The following TLK2 variants were observed in gnomAD, a reference collection of about 807,000 sequenced individuals.
The protein encoded by TLK2 is tousled like kinase 2, also known as serine/threonine-protein kinase tousled-like 2.
TLK2 carries 6 observed loss-of-function variants against 117.3 expected under a neutral mutation model. That is an observed-to-expected ratio of 0.05 (90% CI 0.03 to 0.10). The LOEUF (loss-of-function observed/expected upper bound fraction) is 0.10. Ranked by LOEUF, TLK2 falls within the 10% of genes least tolerant of loss-of-function variation. The pLI is 1.00. For missense variants in TLK2, 299 were observed against 901.2 expected, an observed-to-expected ratio of 0.33 and a Z score of 8.56; for synonymous variants, 257 against 316.7, an observed-to-expected ratio of 0.81 and a Z score of 2.00.
chr17:62,508,068 C>T (rs936990747), intron 2 of TLK2, among the ~76,000 whole-genome samples: 3 of 150,908 alleles, frequency 2.0e-5, no homozygotes, highest in African/African-American at 7.3e-5. Flanking sequence ...ATGGAGAGAT[C>T]TTATCAAAAT....
At chr17:62,494,342 G>T (rs1427171227) in intron 2 of TLK2, among the ~76,000 whole-genome samples, 3 of 151,418 alleles carry the variant, frequency 2.0e-5, no homozygotes, top group Non-Finnish European at 4.4e-5. Context: ...CTTGGCCTCC[G>T]AAAGTGCTGG....
chr17:62,571,601 A>G (rs1308722704), intron 11 of TLK2, among the ~76,000 whole-genome samples: 3 of 152,224 alleles, frequency 2.0e-5, no homozygotes, highest in Non-Finnish European at 4.4e-5. Flanking sequence ...ATTGATGTCT[A>G]ATCAGTGACC....
intron 6 of TLK2, among the ~76,000 whole-genome samples, chr17:62,530,199 G>A (rs1598404680): frequency 6.6e-6 from 1 of 151,198 alleles, no homozygotes; most frequent in East Asian, 2.0e-4. Flanking sequence ...TCTTGAACCC[G>A]GGAGGCAGAG....
At position 62,614,830 on chromosome 17, in the gene TLK2, G is replaced by A. The variant is rs991411666; in HGVS notation, c.*2265G>A. 18 of 152,344 alleles carry A rather than the reference G, an allele frequency of 1.2e-4. No homozygotes were observed. The highest frequency in any genetic ancestry group is 4.3e-4 in the African/African-American group (18 of 41,570). 9.4% of individuals were successfully genotyped at this position (152,344 alleles called of 1,614,324 possible). A position where few individuals can be genotyped will look rare whatever the true frequency, so the allele number is the denominator to read the frequency against. ...AAGGGTCTCACAGGTCGAGCACAGT[G>A]CTGAGAGGATGGTGTCTGCATAATG... On this transcript the variant is annotated 3_prime_UTR_variant, in exon 22 of 22. Transcript: ENST00000346027.
At chr17:62,516,790 G>GC in intron 2 of TLK2, 1 of 1,420,524 alleles carries the variant, frequency 7.0e-7, no homozygotes. Flanking sequence ...AGGGTCCGGG[G>GC]CCGGGGCTGG....
intron 2 of TLK2, among the ~76,000 whole-genome samples, chr17:62,492,296 G>A (rs1328673894): frequency 6.6e-6 from 1 of 151,996 alleles, no homozygotes; most frequent in Non-Finnish European, 1.5e-5. Context: ...AAATACCATA[G>A]GAGCAAGAAA....
At chr17:62,487,510 CTCCG>C (rs1412919569) in intron 2 of TLK2, among the ~76,000 whole-genome samples, 5 of 133,944 alleles carry the variant, frequency 3.7e-5, no homozygotes, top group African/African-American at 1.4e-4. Context: ...CAGAGTGCGC[CTCCG>C]TCTCAAAAAA....
intron 2 of TLK2, among the ~76,000 whole-genome samples, chr17:62,506,695 G>T (rs2074722934): frequency 1.3e-5 from 2 of 151,884 alleles, no homozygotes; most frequent in Non-Finnish European, 2.9e-5. Flanking sequence ...TTTCTTTACT[G>T]TGAATGTGCT....
chr17:62,574,015 T>C (rs1367521550), intron 12 of TLK2, among the ~76,000 whole-genome samples: 2 of 152,222 alleles, frequency 1.3e-5, no homozygotes, highest in Non-Finnish European at 2.9e-5. Context: ...GCCTTCTCCA[T>C]TCTTCTCTTC....
At chr17:62,533,572 G>C (rs1001546413) in intron 6 of TLK2, among the ~76,000 whole-genome samples, 10 of 151,538 alleles carry the variant, frequency 6.6e-5, no homozygotes, top group African/African-American at 2.4e-4. Flanking sequence ...TGCCTCCCGC[G>C]TTCAAGTGAT....
intron 11 of TLK2, among the ~76,000 whole-genome samples, chr17:62,568,289 G>T (rs1253463037): frequency 1.3e-5 from 2 of 151,784 alleles, no homozygotes; most frequent in Non-Finnish European, 2.9e-5. Flanking sequence ...AAAATTAGTT[G>T]GGCATGGTGA....
At chr17:62,483,173 T>C (rs1313695427) in intron 2 of TLK2, among the ~76,000 whole-genome samples, 2 of 152,222 alleles carry the variant, frequency 1.3e-5, no homozygotes, top group African/African-American at 4.8e-5. Flanking sequence ...TGTCCAGATC[T>C]GTCTGTTTAA....
At chr17:62,510,294 G>A (rs2145224333) in intron 2 of TLK2, among the ~76,000 whole-genome samples, 1 of 152,234 alleles carries the variant, frequency 6.6e-6, no homozygotes, top group Admixed American at 6.5e-5. Context: ...CCAGTCTCAG[G>A]CATTCTGTCA....
rs937627347 is a variant in TLK2 at position 62,508,427 on chromosome 17, G to A, written c.82-12346G>A. ...TTTTAGGAAAACTAGAAAAGAGGAGGAAAAAACAATAAATATGCAAGAAGA... is the reference window on the plus strand; with the variant it reads ...TTTTAGGAAAACTAGAAAAGAGGAGAAAAAAACAATAAATATGCAAGAAGA... On this transcript the variant is annotated intron_variant, in intron 2 of 21. Coordinates refer to ENST00000346027, the MANE Select transcript of TLK2 (RefSeq NM_006852.6). 2.0e-4 allele frequency: 190 copies of A among 967,182 alleles called. No individual in the cohort carries two copies. The African/African-American group carries it at 3.1e-3, about 16-fold the overall frequency. The allele number at this position is 967,182 out of a possible 1,614,324, so 59.9% of individuals were successfully genotyped here.
chr17:62,594,312 G>T (rs2082297116), intron 16 of TLK2, among the ~76,000 whole-genome samples: 1 of 152,086 alleles, frequency 6.6e-6, no homozygotes, highest in Non-Finnish European at 1.5e-5. Flanking sequence ...GGAGGCTGAG[G>T]CAGGAGAATC....
chr17:62,564,959 C>G (rs1567930905), intron 10 of TLK2, 42 bp from the exon 11 acceptor site: 1 of 1,579,172 alleles, frequency 6.3e-7, no homozygotes, highest in South Asian at 1.2e-5. Context: ...TTTATCCATG[C>G]TAATTGGTAT....
At chr17:62,576,241 C>T (rs2080776784) in intron 12 of TLK2, among the ~76,000 whole-genome samples, 1 of 152,144 alleles carries the variant, frequency 6.6e-6, no homozygotes, top group Non-Finnish European at 1.5e-5. Context: ...TGCTTTGAAC[C>T]CTAGTCCTCA....
At chr17:62,535,785 G>A (rs965686230) in intron 6 of TLK2, among the ~76,000 whole-genome samples, 13 of 143,382 alleles carry the variant, frequency 9.1e-5, no homozygotes, top group Admixed American at 6.3e-4. Context: ...AAAAAAAAAA[G>A]AAAAAAGAAA....
rs2077109483 is a variant in TLK2 at position 62,536,322 on chromosome 17, C to T, written c.516C>T (p.Cys172=). Residue 172 remains cysteine (C), a synonymous_variant, in exon 7 of 22, where the codon TGC becomes TGT. Coordinates refer to ENST00000346027, the MANE Select transcript of TLK2 (RefSeq NM_006852.6). ...TGGCGCAAAGGGGAGCTGGCCTCTG[C>T]TTCACTTTTGTTTCAGTGAGTACAA... is the stretch of plus-strand genomic sequence containing the variant. ...EQLAQRGAGL[C]FTFVSAQQNS... 1.2e-6 allele frequency: 2 copies of T among 1,612,154 alleles called. No homozygotes were observed. Among genetic ancestry groups the T allele is most frequent in the Admixed American group, 1.7e-5 (1 of 59,746 alleles).
Sources: allele counts gnomAD v4.1 joint callset (sites outside exome capture counted in the v4.1 genomes callset), GRCh38; gene constraint gnomAD v4.1.1; transcripts MANE v1.5; gene names NCBI Gene and HGNC (gene_info 2026-07-23, HGNC 2026-07-21).